The following AGMO variants were observed in gnomAD, a reference collection of about 807,000 sequenced individuals.
The protein encoded by AGMO is glyceryl-ether monooxygenase.
AGMO carries 75 observed loss-of-function variants against 60.2 expected under a neutral mutation model. The ratio of observed to expected loss-of-function variants is 1.25; its 90% CI spans 1.03 to 1.51. The LOEUF (loss-of-function observed/expected upper bound fraction) is 1.51. AGMO is among the 40% of genes most tolerant of loss of function. The pLI, the probability that AGMO is intolerant of heterozygous loss-of-function variation, is 0.00. For missense variants in AGMO, 763 were observed against 525.5 expected (o/e 1.45, Z -4.42); for synonymous variants, 261 against 177.1 (o/e 1.47, Z -3.76).
chr7:15,528,195 C>T (rs12699731), intron 3 of AGMO, among the ~76,000 whole-genome samples: 122,309 of 152,074 alleles, frequency 0.8, 49,383 homozygotes, highest in East Asian at 0.97. Flanking sequence ...TCATTAGCAT[C>T]TTTAGCAAAA....
intron 10 of AGMO, among the ~76,000 whole-genome samples, chr7:15,370,372 G>C (rs1331367108): frequency 2.0e-5 from 3 of 152,110 alleles, no homozygotes; most frequent in Non-Finnish European, 4.4e-5. Flanking sequence ...ATGAGTGCAT[G>C]TGTCTTTTAG....
chr7:15,392,799 AAAAC>A (rs67814097), intron 6 of AGMO, among the ~76,000 whole-genome samples: 3,177 of 33,830 alleles, frequency 0.094, 60 homozygotes, highest in Admixed American at 0.23. Context: ...ACTCTGTCTC[AAAAC>A]AAACAAACAA....
At chr7:15,438,335 T>C (rs2128500808) in intron 3 of AGMO, among the ~76,000 whole-genome samples, 1 of 152,072 alleles carries the variant, frequency 6.6e-6, no homozygotes, top group South Asian at 2.1e-4. Flanking sequence ...TTAGAACACT[T>C]TACAGGTATT....
Position 15,529,211 on chromosome 7 carries a change from T to C in AGMO, c.409+15561A>G, listed in dbSNP as rs115686661. ...TGGTGTTTTTAAAAGAAAAATGTTA[T>C]TATTATTGGAGGATGCATCATGTAG... On this transcript the variant is annotated intron_variant, in intron 3 of 12. Coordinates refer to ENST00000342526, the MANE Select transcript of AGMO (RefSeq NM_001004320.2). Among the ~76,000 whole-genome samples the C allele has an allele frequency of 6.2e-3, 935 of 152,004 alleles. 15 individuals carry two copies. Among genetic ancestry groups the C allele is most frequent in the African/African-American group, 0.021 (884 of 41,456 alleles).
At chr7:15,534,125 G>GA (rs1361816218) in intron 3 of AGMO, among the ~76,000 whole-genome samples, 1 of 151,878 alleles carries the variant, frequency 6.6e-6, no homozygotes, top group Non-Finnish European at 1.5e-5. Context: ...CGTAAGAGAA[G>GA]AAAGAACAAA....
In AGMO at chr7:15,217,215, C is replaced by A. The variant is rs191801812; in HGVS notation, c.1264-15856G>T. ...AATTTGTCATATGAAATTGTTGGGG[C>A]CCCCAAAGAAAGAAATGTTAAATAC... On this transcript the variant is annotated intron_variant, in intron 12 of 12. Coordinates refer to ENST00000342526, the MANE Select transcript of AGMO (RefSeq NM_001004320.2). 3.9e-3 allele frequency among the ~76,000 whole-genome samples: 593 copies of A among 151,970 alleles called. 1 individual carries two copies. The highest frequency in any genetic ancestry group is 0.013 in the African/African-American group (555 of 41,454).
At chr7:15,298,386 C>T (rs556569428) in intron 12 of AGMO, among the ~76,000 whole-genome samples, 2 of 152,046 alleles carry the variant, frequency 1.3e-5, no homozygotes, top group African/African-American at 4.8e-5. Flanking sequence ...TTATGATTTT[C>T]TTGTGTGTCT....
chr7:15,191,294 G>T, the AGMO span, among the ~76,000 whole-genome samples: 10 of 152,074 alleles, frequency 6.6e-5, no homozygotes, highest in African/African-American at 2.4e-4. Flanking sequence ...GCTAAATGTG[G>T]GAAAATATAT....
the AGMO span, among the ~76,000 whole-genome samples, chr7:15,132,313 C>G: frequency 2.2e-4 from 34 of 152,234 alleles, no homozygotes; most frequent in African/African-American, 8.2e-4. Context: ...AGTTGGGATT[C>G]AGTTTTTATG....
chr7:15,356,434 TATATATAAGAAACC>T (rs1782531166), intron 12 of AGMO, among the ~76,000 whole-genome samples: 2 of 152,132 alleles, frequency 1.3e-5, no homozygotes, highest in African/African-American at 4.8e-5. Context: ...CATAGGAAAC[TATATATAAGAAACC>T]ATATATAGTA....
chr7:15,488,136 G>C (rs904053411), intron 3 of AGMO, among the ~76,000 whole-genome samples: 2 of 152,176 alleles, frequency 1.3e-5, no homozygotes, highest in African/African-American at 4.8e-5. Flanking sequence ...TTGAAAAGTG[G>C]AACACATTTT....
intron 12 of AGMO, among the ~76,000 whole-genome samples, chr7:15,261,659 G>C (rs1308187866): frequency 1.3e-5 from 2 of 151,814 alleles, no homozygotes; most frequent in East Asian, 1.9e-4. Flanking sequence ...CATGAAGCCA[G>C]TATCACCCTA....
chr7:15,241,288 G>A (rs886244309), intron 12 of AGMO, among the ~76,000 whole-genome samples: 3 of 150,902 alleles, frequency 2.0e-5, no homozygotes, highest in South Asian at 2.1e-4. Flanking sequence ...GTGAAACCCC[G>A]TCTCTACTAA....
the AGMO span, among the ~76,000 whole-genome samples, chr7:15,123,233 C>T: frequency 6.6e-6 from 1 of 152,060 alleles, no homozygotes; most frequent in Non-Finnish European, 1.5e-5. Flanking sequence ...AATTCAACAG[C>T]TCACCCCTGA....
At chr7:15,541,903 A>G (rs533494768) in intron 3 of AGMO, among the ~76,000 whole-genome samples, 2 of 152,336 alleles carry the variant, frequency 1.3e-5, no homozygotes, top group South Asian at 4.1e-4. Context: ...ATCATTTTGA[A>G]GTAGTGAAAG....
At position 15,370,278 on chromosome 7, in the gene AGMO, G is replaced by A. The variant is rs185994172; in HGVS notation, c.1075-4056C>T. On this transcript the variant is annotated intron_variant, in intron 10 of 12. Transcript: ENST00000342526. ...GTAATCCATGGTATATATGTAACACGTTTTCTTCAACAACCAATCCTCCGT... is the reference window on the plus strand; with the variant it reads ...GTAATCCATGGTATATATGTAACACATTTTCTTCAACAACCAATCCTCCGT... 2.8e-4 allele frequency among the ~76,000 whole-genome samples: 43 copies of A among 152,198 alleles called. No homozygotes were observed. In the South Asian group the frequency reaches 3.9e-3, roughly 14 times the overall value.
intron 5 of AGMO, among the ~76,000 whole-genome samples, chr7:15,415,109 A>T (rs1021468906): frequency 6.6e-6 from 1 of 152,126 alleles, no homozygotes; most frequent in Admixed American, 6.6e-5. Flanking sequence ...TAAAAAAAAT[A>T]GTGAACTTCA....
intron 4 of AGMO, among the ~76,000 whole-genome samples, chr7:15,424,075 A>G (rs1378297959): frequency 6.6e-6 from 1 of 152,098 alleles, no homozygotes; most frequent in Non-Finnish European, 1.5e-5. Flanking sequence ...AACCTCCTCC[A>G]TTGCAAAATT....
chr7:15,334,507 G>C (rs771241164), intron 12 of AGMO, among the ~76,000 whole-genome samples: 1 of 151,988 alleles, frequency 6.6e-6, no homozygotes, highest in Non-Finnish European at 1.5e-5. Flanking sequence ...CTTTTCCCTA[G>C]GGCAGTAGAT....
Sources: gnomAD v4.1 joint callset for allele counts (sites outside exome capture counted in the v4.1 genomes callset) on GRCh38, gnomAD v4.1.1 for gene constraint, MANE v1.5 for transcripts, NCBI Gene and HGNC (gene_info 2026-07-23, HGNC 2026-07-21) for gene names.